EIPR1: variants seen among roughly 807,000 people sequenced by gnomAD.
EIPR1 encodes EARP complex and GARP complex interacting protein 1.
In EIPR1, 25 loss-of-function variants were observed where a neutral mutation model predicts 48.1. The observed-to-expected ratio is 0.52, with a 90% CI of 0.38 to 0.73. The LOEUF (loss-of-function observed/expected upper bound fraction) is 0.73. Ranked by LOEUF, EIPR1 falls within the 30% of genes least tolerant of loss-of-function variation. The probability of loss-of-function intolerance (pLI) is 0.00; values close to 1 mark genes in which losing one functional copy is unlikely to be tolerated. For synonymous variants in EIPR1, 204 were observed against 201.9 expected, an observed-to-expected ratio of 1.01 and a Z score of -0.09; for missense variants, 415 against 506.2, an observed-to-expected ratio of 0.82 and a Z score of 1.73.
chr2:3,325,856 T>C (rs1391717872), intron 3 of EIPR1, among the ~76,000 whole-genome samples: 1 of 152,270 alleles, frequency 6.6e-6, no homozygotes, highest in Non-Finnish European at 1.5e-5. Context: ...CCTTATCCTG[T>C]GGCTTCAGGT....
At chr2:3,219,031 A>T (rs983284203) in intron 4 of EIPR1, among the ~76,000 whole-genome samples, 3 of 151,558 alleles carry the variant, frequency 2.0e-5, no homozygotes, top group Non-Finnish European at 4.4e-5. Context: ...GGTATACTCT[A>T]GAGCATTCAC....
At chr2:3,369,910 T>G (rs1671069560) in intron 1 of EIPR1, among the ~76,000 whole-genome samples, 1 of 152,062 alleles carries the variant, frequency 6.6e-6, no homozygotes, top group Admixed American at 6.5e-5. Flanking sequence ...CAGCTGGAGA[T>G]CTGAGAACGG....
chr2:3,290,092 G>A (rs1668320765), intron 3 of EIPR1, among the ~76,000 whole-genome samples: 1 of 152,182 alleles, frequency 6.6e-6, no homozygotes, highest in South Asian at 2.1e-4. Flanking sequence ...TTTGTACTTA[G>A]CATTGTCTGT....
Position 3,345,332 on chromosome 2 carries a change from G to T in EIPR1, c.127-7183C>A, listed in dbSNP as rs76512962. Among the ~76,000 whole-genome samples the T allele has an allele frequency of 9.9e-3, 1,510 of 152,274 alleles. 167 individuals carry two copies. In the East Asian group the frequency reaches 0.23, roughly 24 times the overall value. Reference sequence around the variant, plus strand: ...AATCAATATATTGAGACCAGGCCAGGTGCAGTGGCTCACACCTATAACCCC... The same window carrying T: ...AATCAATATATTGAGACCAGGCCAGTTGCAGTGGCTCACACCTATAACCCC... On this transcript the variant is annotated intron_variant, in intron 2 of 8. Coordinates refer to ENST00000382125, the MANE Select transcript of EIPR1 (RefSeq NM_003310.5).
chr2:3,306,704 C>T (rs1342960562), intron 3 of EIPR1, among the ~76,000 whole-genome samples: 1 of 152,110 alleles, frequency 6.6e-6, no homozygotes, highest in Non-Finnish European at 1.5e-5. Flanking sequence ...GAAGTGGGAT[C>T]ATCATAAAGC....
chr2:3,191,781 C>T (rs1437401340), intron 8 of EIPR1, among the ~76,000 whole-genome samples: 2 of 152,206 alleles, frequency 1.3e-5, no homozygotes, highest in African/African-American at 2.4e-5. Context: ...CTGCCCTTAG[C>T]GATCTCCCAT....
chr2:3,296,523 TAC>T (rs1317238526), intron 3 of EIPR1, among the ~76,000 whole-genome samples: 5 of 109,654 alleles, frequency 4.6e-5, no homozygotes, highest in African/African-American at 1.4e-4. Context: ...CCATCCTCTC[TAC>T]ACACACACCC....
intron 4 of EIPR1, among the ~76,000 whole-genome samples, chr2:3,233,266 T>C (rs887939868): frequency 6.6e-6 from 1 of 152,216 alleles, no homozygotes; most frequent in Non-Finnish European, 1.5e-5. Context: ...ATAGATATAA[T>C]TCTTTCCAAA....
intron 3 of EIPR1, among the ~76,000 whole-genome samples, chr2:3,272,622 G>C (rs777198346): frequency 6.6e-6 from 1 of 152,156 alleles, no homozygotes; most frequent in Non-Finnish European, 1.5e-5. Flanking sequence ...GGCATGGTTC[G>C]TGGAGCCCCA....
chr2:3,321,895 C>G (rs1276813458), intron 3 of EIPR1, among the ~76,000 whole-genome samples: 1 of 152,228 alleles, frequency 6.6e-6, no homozygotes, highest in Non-Finnish European at 1.5e-5. Context: ...GACTCCTCAG[C>G]AGTGGAAATC....
intron 1 of EIPR1, among the ~76,000 whole-genome samples, chr2:3,373,248 T>A (rs1659753967): frequency 6.6e-6 from 1 of 151,544 alleles, no homozygotes; most frequent in Non-Finnish European, 1.5e-5. Flanking sequence ...ATAAGAGCTA[T>A]CTATGACAAA....
chr2:3,304,107 A>G (rs1668840860), intron 3 of EIPR1, among the ~76,000 whole-genome samples: 1 of 152,184 alleles, frequency 6.6e-6, no homozygotes, highest in Admixed American at 6.5e-5. Flanking sequence ...ATCCATCTGA[A>G]GGGCTGGAAA....
chr2:3,196,941 C>G lies in EIPR1; in HGVS notation c.593G>C (p.Cys198Ser). Reference protein sequence around the residue: ...TSGRWSPHHNCTQVATANDTT... With the variant: ...TSGRWSPHHNSTQVATANDTT... ...GTCGTTCGCTGTGGCCACCTGGGTG[C>G]AGTTATGATGTGGGCTCCACCGTCC... Residue 198 changes from cysteine to serine, a missense_variant, in exon 6 of 9, where the codon TGC (cysteine) becomes TCC (serine). Transcript: ENST00000382125. 6.2e-7 allele frequency: 1 copy of G among 1,613,934 alleles called. No homozygotes were observed. Among genetic ancestry groups the G allele is most frequent in the Non-Finnish European group, 8.5e-7 (1 of 1,180,036 alleles).
chr2:3,310,695 A>C (rs920219004), intron 3 of EIPR1, among the ~76,000 whole-genome samples: 8 of 151,430 alleles, frequency 5.3e-5, no homozygotes, highest in Non-Finnish European at 1.2e-4. Flanking sequence ...ATTTAAAACT[A>C]AAAACTTATC....
intron 2 of EIPR1, among the ~76,000 whole-genome samples, 162 bp downstream of exon 2, chr2:3,354,388 A>G (rs1284028012): frequency 1.3e-5 from 2 of 152,262 alleles, no homozygotes; most frequent in African/African-American, 2.4e-5. Context: ...ATAGATGGAT[A>G]ATATTCTTTG....
At chr2:3,228,542 G>T (rs1666136460) in intron 4 of EIPR1, among the ~76,000 whole-genome samples, 1 of 152,158 alleles carries the variant, frequency 6.6e-6, no homozygotes, top group Admixed American at 6.5e-5. Flanking sequence ...AGACTTTGGG[G>T]GACTGTTGCA....
intron 3 of EIPR1, among the ~76,000 whole-genome samples, chr2:3,303,371 G>A (rs1464909808): frequency 2.0e-5 from 3 of 152,170 alleles, no homozygotes; most frequent in Non-Finnish European, 4.4e-5. Flanking sequence ...CCCCCATCCA[G>A]CACAAAGGAA....
At chr2:3,233,311 AT>A (rs1263855289) in intron 4 of EIPR1, among the ~76,000 whole-genome samples, 2 of 152,070 alleles carry the variant, frequency 1.3e-5, no homozygotes, top group South Asian at 2.1e-4. Flanking sequence ...AATTTCCATA[AT>A]TTTTTAATCC....
chr2:3,257,788 T>A (rs1667208033), intron 3 of EIPR1, among the ~76,000 whole-genome samples: 1 of 152,208 alleles, frequency 6.6e-6, no homozygotes, highest in Non-Finnish European at 1.5e-5. Flanking sequence ...AATGGGGGAC[T>A]AAAGATATAA....
Sources: allele counts gnomAD v4.1 joint callset (sites outside exome capture counted in the v4.1 genomes callset), GRCh38; gene constraint gnomAD v4.1.1; transcripts MANE v1.5; gene names NCBI Gene and HGNC (gene_info 2026-07-23, HGNC 2026-07-21).